The following PSMD11 variants were observed in gnomAD, a reference collection of about 807,000 sequenced individuals.
PSMD11 encodes 26S proteasome non-ATPase regulatory subunit 11.
Under a neutral mutation model 62.3 loss-of-function variants are expected in PSMD11, and 5 were observed. The observed-to-expected ratio is 0.08, with a 90% CI of 0.04 to 0.17. The LOEUF (loss-of-function observed/expected upper bound fraction) is 0.17, where lower values mean the gene tolerates loss of function less well. PSMD11 is among the 10% of genes least tolerant of loss of function. The pLI is 1.00. For missense variants in PSMD11, 310 were observed against 512.9 expected, an observed-to-expected ratio of 0.60 and a Z score of 3.82; for synonymous variants, 191 against 191.8, an observed-to-expected ratio of 1.00 and a Z score of 0.03.
rs191298755 is a variant in PSMD11, at chr17:32,472,846, T to C, written c.644-955T>C. Among the ~76,000 whole-genome samples, 131 of 150,112 alleles carry C rather than the reference T, an allele frequency of 8.7e-4. 1 individual carries two copies. The highest frequency in any genetic ancestry group is 3.4e-3 in the Middle Eastern group (1 of 292). On this transcript the variant is annotated intron_variant, in intron 6 of 13. Transcript: ENST00000261712. Reference sequence around the variant, plus strand: ...GCCACCATGCCCGGCCTTTTTCTTTTTTTTTTTTTTTTTTAAGAGACAAGG... The same window carrying C: ...GCCACCATGCCCGGCCTTTTTCTTTCTTTTTTTTTTTTTTAAGAGACAAGG...
rs746642623 is a variant in PSMD11, at chr17:32,444,531, C to G, written c.8C>G (p.Ala3Gly). 2 of 1,599,130 alleles carry G rather than the reference C, an allele frequency of 1.3e-6. No individual in the cohort carries two copies. The highest frequency in any genetic ancestry group is 1.7e-6 in the Non-Finnish European group (2 of 1,173,548). MA[A>G]AAVVEFQRAQ... Reference sequence around the variant, plus strand: ...CGGTGTGAGAGCGGTAAGATGGCGGCGGCGGCGGTGGTGGAGTTCCAGAGA... The same window carrying G: ...CGGTGTGAGAGCGGTAAGATGGCGGGGGCGGCGGTGGTGGAGTTCCAGAGA... The change falls in exon 1 of 14, where the codon GCG becomes GGG. Residue 3 changes from alanine (A) to glycine (G), a missense_variant. Transcript: ENST00000261712.
chr17:32,466,662 A>G (rs953728860), intron 5 of PSMD11, among the ~76,000 whole-genome samples: 2 of 152,182 alleles, frequency 1.3e-5, no homozygotes, highest in Non-Finnish European at 2.9e-5. Flanking sequence ...GTATATACCT[A>G]GAAGTGGAAT....
In PSMD11 at chr17:32,444,610, C is replaced by T. The variant is rs756431415; in HGVS notation, c.87C>T (p.Ser29=). The change falls in exon 1 of 14, where the codon TCC becomes TCT. Residue 29 remains serine, a synonymous_variant. Transcript: ENST00000261712. ...AGGCCTCCATCGACATCCTCCACTC[C>T]ATCGGTAAAGGTCGCCGCGCCGCCT... ...DREASIDILH[S]IVKRDIQEND... The T allele has an allele frequency of 3.1e-6, 5 of 1,611,458 alleles. No homozygotes were observed. The highest frequency in any genetic ancestry group is 4.2e-6 in the Non-Finnish European group (5 of 1,179,240).
intron 3 of PSMD11, 73 bp downstream of exon 3, chr17:32,454,692 C>T (rs1375704415): frequency 6.7e-7 from 1 of 1,500,862 alleles, no homozygotes; most frequent in Non-Finnish European, 9.1e-7. Context: ...TGCCTACCTG[C>T]ACTTTAGTAC....
At chr17:32,448,528 C>T (rs750314256) in intron 2 of PSMD11, among the ~76,000 whole-genome samples, 7 of 151,708 alleles carry the variant, frequency 4.6e-5, no homozygotes, top group Non-Finnish European at 7.4e-5. Flanking sequence ...CCACTATGCC[C>T]GGCTAATTTT....
At chr17:32,467,523 G>A (rs556282542) in intron 5 of PSMD11, among the ~76,000 whole-genome samples, 2 of 152,346 alleles carry the variant, frequency 1.3e-5, no homozygotes, top group East Asian at 3.9e-4. Context: ...TGGGATTACA[G>A]GCTTGAGCCA....
intron 8 of PSMD11, among the ~76,000 whole-genome samples, chr17:32,475,105 C>T (rs1249110736): frequency 2.0e-5 from 3 of 152,146 alleles, no homozygotes; most frequent in African/African-American, 7.2e-5. Context: ...TTGGCTTTGA[C>T]CAGAAGATTT....
intron 3 of PSMD11, among the ~76,000 whole-genome samples, chr17:32,462,763 C>T (rs113989474): frequency 0.08 from 12,187 of 152,074 alleles, 703 homozygotes; most frequent in South Asian, 0.11. Context: ...CTCGGCTCAC[C>T]GCAACCTCCA....
Position 32,464,189 on chromosome 17 carries a change from A to C in PSMD11, c.390+69A>C, listed in dbSNP as rs77323499. On this transcript the variant is annotated intron_variant, in intron 4 of 13. Coordinates refer to ENST00000261712, the MANE Select transcript of PSMD11 (RefSeq NM_002815.4). ...ACAGAGGGTGAATGTAAGCAGTACC[A>C]TCCTTATCAAAAGTATCTTCAGCAA... The C allele has an allele frequency of 4.1e-4, 571 of 1,393,554 alleles. 2 individuals carry two copies. In the East Asian group the frequency reaches 0.012, roughly 30 times the overall value. 86.3% of individuals were successfully genotyped at this position (1,393,554 alleles called of 1,614,324 possible).
intron 2 of PSMD11, among the ~76,000 whole-genome samples, chr17:32,449,019 G>A (rs1319646308): frequency 6.6e-6 from 1 of 152,080 alleles, no homozygotes; most frequent in Non-Finnish European, 1.5e-5. Context: ...TGAGCTTGGG[G>A]GGTTCCAAAA....
intron 3 of PSMD11, among the ~76,000 whole-genome samples, chr17:32,462,615 TAGGATCTAAA>T (rs1420959634): frequency 6.6e-6 from 1 of 152,230 alleles, no homozygotes; most frequent in East Asian, 1.9e-4. Context: ...AGCTAGAATT[TAGGATCTAAA>T]AGTAGAAGAT....
rs755566230 is a variant in PSMD11, at chr17:32,480,535, C to A, written c.1173C>A (p.Pro391=). The A allele has an allele frequency of 6.2e-7, 1 of 1,613,950 alleles. No homozygotes were observed. The highest frequency in any genetic ancestry group is 8.5e-7 in the Non-Finnish European group (1 of 1,179,996). ...GTGTCCTGATTATTTTCGATGAACC[C>A]CCAGTAGATAAAACTTACGAAGCTG... is the stretch of plus-strand genomic sequence containing the variant. ...GEGVLIIFDE[P]PVDKTYEAAL... is the part of the protein sequence containing the mutation. The change falls in exon 13 of 14, where the codon CCC becomes CCA. Residue 391 remains proline (P), a synonymous_variant. Coordinates refer to ENST00000261712, the MANE Select transcript of PSMD11 (RefSeq NM_002815.4).
chr17:32,472,385 G>T (rs1908189925), intron 6 of PSMD11, among the ~76,000 whole-genome samples: 1 of 151,580 alleles, frequency 6.6e-6, no homozygotes. Flanking sequence ...ACCAAGGCCG[G>T]CTAATTTTTG....
At chr17:32,475,999 C>T (rs1051503828) in intron 8 of PSMD11, among the ~76,000 whole-genome samples, 1 of 152,044 alleles carries the variant, frequency 6.6e-6, no homozygotes, top group Non-Finnish European at 1.5e-5. Context: ...CGTGGTGGCT[C>T]ATGCCTGTAA....
rs1327654796 is a variant in PSMD11, at chr17:32,483,175, C to T, written c.*2423C>T. On this transcript the variant is annotated 3_prime_UTR_variant, in exon 14 of 14. Transcript: ENST00000261712. Reference sequence around the variant, plus strand: ...AACGTGGCTGGTTCGAGCTGTGATACACTGCAAGTGTAAACACAAACCAGA... The same window carrying T: ...AACGTGGCTGGTTCGAGCTGTGATATACTGCAAGTGTAAACACAAACCAGA... 1.3e-5 allele frequency: 2 copies of T among 152,172 alleles called. No homozygotes were observed. Among genetic ancestry groups the T allele is most frequent in the Non-Finnish European group, 2.9e-5 (2 of 68,038 alleles). 9.4% of individuals were successfully genotyped at this position (152,172 alleles called of 1,614,324 possible). A position where few individuals can be genotyped will look rare whatever the true frequency, so the allele number is the denominator to read the frequency against.
At chr17:32,454,653 T>C in intron 3 of PSMD11, 34 bp downstream of exon 3, 1 of 1,602,320 alleles carries the variant, frequency 6.2e-7, no homozygotes, top group Non-Finnish European at 8.5e-7. Context: ...GTAGACAATA[T>C]GGAGAAAAGT....
intron 6 of PSMD11, among the ~76,000 whole-genome samples, chr17:32,470,744 T>C (rs1908141235): frequency 6.6e-6 from 1 of 152,260 alleles, no homozygotes; most frequent in South Asian, 2.1e-4. Flanking sequence ...TGGGTCTGGC[T>C]TATTCTCTCT....
At chr17:32,465,174 G>A (rs1026456425) in intron 5 of PSMD11, among the ~76,000 whole-genome samples, 12 of 152,074 alleles carry the variant, frequency 7.9e-5, no homozygotes, top group Admixed American at 6.5e-5. Flanking sequence ...AGGCTGGAGT[G>A]CAGCAGTGTG....
At chr17:32,467,328 C>T (rs1179430199) in intron 5 of PSMD11, among the ~76,000 whole-genome samples, 1 of 150,744 alleles carries the variant, frequency 6.6e-6, no homozygotes, top group Non-Finnish European at 1.5e-5. Context: ...TCACTGCAAC[C>T]TCCACCTCCC....
Sources: gnomAD v4.1 joint callset for allele counts (sites outside exome capture counted in the v4.1 genomes callset) on GRCh38, gnomAD v4.1.1 for gene constraint, MANE v1.5 for transcripts, NCBI Gene and HGNC (gene_info 2026-07-23, HGNC 2026-07-21) for gene names.